CIT: variants seen among roughly 807,000 people sequenced by gnomAD.
The protein encoded by CIT is citron rho-interacting serine/threonine kinase, also known as citron Rho-interacting kinase.
CIT carries 79 observed loss-of-function variants against 272.7 expected under a neutral mutation model. The ratio of observed to expected loss-of-function variants is 0.29; its 90% CI spans 0.24 to 0.35. The LOEUF (loss-of-function observed/expected upper bound fraction) is 0.35. Among genes scored for constraint, CIT ranks in the 10% least tolerant of loss-of-function variants. The probability of loss-of-function intolerance (pLI) is 1.00; values close to 1 mark genes in which losing one functional copy is unlikely to be tolerated. For synonymous variants in CIT, 948 were observed against 995.6 expected (o/e 0.95, Z 0.90); for missense variants, 1,909 against 2,618.3 (o/e 0.73, Z 5.91).
rs1968836102 is a variant in CIT, at chr12:119,834,118, A to C, written c.627T>G (p.Val209=). 1.1e-5 allele frequency: 17 copies of C among 1,614,056 alleles called. No homozygotes were observed. In the East Asian group the frequency reaches 3.8e-4, roughly 36 times the overall value. The change falls in exon 6 of 48, where the codon GTT becomes GTG. Residue 209 remains valine, a synonymous_variant. Transcript: ENST00000392521. ...QFYLAELILA[V]HSVHLMGYVH... The stretch of plus-strand genomic sequence containing the variant: ...CGTATCCCATCAGATGAACGCTGTG[A>C]ACAGCCAAAATCAGCTCAGCTAGGT...
rs1958269807 is a variant in CIT at position 119,728,711 on chromosome 12, T to C, written c.3487-105A>G. 1.2e-6 allele frequency: 1 copy of C among 800,454 alleles called. No homozygotes were observed. Among genetic ancestry groups the C allele is most frequent in the Middle Eastern group, 2.4e-4 (1 of 4,144 alleles). The allele number at this position is 800,454 out of a possible 1,614,324, so 49.6% of individuals were successfully genotyped here. ...TTCACGGAGAAAGAATATTGAGTTCTAAAGGTCAGAACGTAAAGGTTGCTT... is the reference window on the plus strand; with the variant it reads ...TTCACGGAGAAAGAATATTGAGTTCCAAAGGTCAGAACGTAAAGGTTGCTT... On this transcript the variant is annotated intron_variant, in intron 27 of 47. Transcript: ENST00000392521. This position sits in a 1 kb window ranked among gnomAD's most constrained non-coding sequence, Gnocchi z 4.3.
intron 16 of CIT, among the ~76,000 whole-genome samples, chr12:119,774,362 C>T (rs990555508): frequency 6.6e-6 from 1 of 152,068 alleles, no homozygotes; most frequent in African/African-American, 2.4e-5. Flanking sequence ...CCAGCAAACA[C>T]ATTCACAAAC....
chr12:119,706,188 A>C (rs1956871755), intron 40 of CIT, among the ~76,000 whole-genome samples: 1 of 152,166 alleles, frequency 6.6e-6, no homozygotes, highest in African/African-American at 2.4e-5. Flanking sequence ...CAACAGCAGA[A>C]CGCCAGTAGC....
At chr12:119,738,783 TG>T (rs1162813788) in intron 24 of CIT, among the ~76,000 whole-genome samples, 2 of 151,256 alleles carry the variant, frequency 1.3e-5, no homozygotes, top group African/African-American at 4.9e-5. Flanking sequence ...CCCAGGAGGC[TG>T]AGGCAGGAGA....
rs1177050023 is a variant in CIT at position 119,782,436 on chromosome 12, TTC to T, written c.1665+80_1665+81del. 5 of 1,516,218 alleles carry T rather than the reference TTC, an allele frequency of 3.3e-6. No homozygotes were observed. In the African/African-American group the frequency reaches 4.1e-5, roughly 13 times the overall value. 93.9% of individuals were successfully genotyped at this position (1,516,218 alleles called of 1,614,324 possible). ...TTTCTCTCTCTCCCTTTCTTCCTAT[TTC>T]TCTCTCAAACACGCCTCTCCTGAAA... is the stretch of plus-strand genomic sequence containing the variant. On this transcript the variant is annotated intron_variant, in intron 13 of 47. Transcript: ENST00000392521.
At chr12:119,846,979 G>C (rs1028064690) in intron 5 of CIT, among the ~76,000 whole-genome samples, 1 of 132,080 alleles carries the variant, frequency 7.6e-6, no homozygotes, top group African/African-American at 2.6e-5. Flanking sequence ...GTTGTTTCAA[G>C]GGAACGTCTT....
chr12:119,772,630 CCT>C, intron 17 of CIT, 138 bp downstream of exon 17: 1 of 869,122 alleles, frequency 1.2e-6, no homozygotes. Context: ...TGATTCCCAG[CCT>C]CTCAGGTTTC....
intron 20 of CIT, among the ~76,000 whole-genome samples, chr12:119,760,077 C>T (rs1008637392): frequency 2.0e-5 from 3 of 151,478 alleles, no homozygotes; most frequent in African/African-American, 7.3e-5. Flanking sequence ...ATTCCAGCTA[C>T]TCGGGAGGCT....
rs1386504493 is a variant in CIT at position 119,697,930 on chromosome 12, T to C, written c.5702+46A>G. 2 of 1,612,258 alleles carry C rather than the reference T, an allele frequency of 1.2e-6. No homozygotes were observed. The highest frequency in any genetic ancestry group is 1.7e-6 in the Non-Finnish European group (2 of 1,178,422). ...GGAACATGCGGCCGGCCCCAACACC[T>C]ACCCCAATAGCTGAAGTTTTCCACG... On this transcript the variant is annotated intron_variant, in intron 45 of 47. Transcript: ENST00000392521. The surrounding 1 kb of genome is among the most constrained non-coding windows in gnomAD (Gnocchi z 4.9).
At chr12:119,855,349 G>A (rs1970516497) in intron 4 of CIT, among the ~76,000 whole-genome samples, 2 of 152,126 alleles carry the variant, frequency 1.3e-5, no homozygotes, top group East Asian at 3.8e-4. Context: ...TGTGAACCTG[G>A]GAGGCGGAGC....
chr12:119,707,528 T>C (rs922739616), intron 40 of CIT, among the ~76,000 whole-genome samples: 5 of 151,956 alleles, frequency 3.3e-5, no homozygotes, highest in African/African-American at 1.2e-4. Flanking sequence ...CAATCTGTTT[T>C]TTTTTTCCCT....
chr12:119,850,361 G>T (rs1203354084), intron 4 of CIT, 86 bp from the exon 5 acceptor site: 26 of 485,378 alleles, frequency 5.4e-5, no homozygotes, highest in East Asian at 3.4e-4. Context: ...TGCCTAAACT[G>T]ATGTTTCTAG....
At chr12:119,798,676 G>C (rs1027752835) in intron 10 of CIT, among the ~76,000 whole-genome samples, 6 of 152,142 alleles carry the variant, frequency 3.9e-5, no homozygotes, top group African/African-American at 4.8e-5. Flanking sequence ...TATAAGCCCA[G>C]TTCCAGCACA....
chr12:119,865,291 T>C (rs1463423799), intron 3 of CIT, among the ~76,000 whole-genome samples: 1 of 152,214 alleles, frequency 6.6e-6, no homozygotes, highest in Non-Finnish European at 1.5e-5. Flanking sequence ...TGAAGGTGCC[T>C]GCAGATGGCT....
intron 2 of CIT, among the ~76,000 whole-genome samples, chr12:119,872,914 A>C (rs1419515354): frequency 1.3e-5 from 2 of 152,178 alleles, no homozygotes; most frequent in African/African-American, 4.8e-5. Context: ...CCCCCACCTC[A>C]GCCTCCTGAG....
At chr12:119,708,132 T>C in intron 40 of CIT, 47 bp downstream of exon 40, 1 of 1,460,310 alleles carries the variant, frequency 6.8e-7, no homozygotes, top group Non-Finnish European at 9.1e-7. Context: ...AGAGGTAGTG[T>C]CAATTTCCAG....
chr12:119,860,120 C>G (rs539394889), intron 3 of CIT, among the ~76,000 whole-genome samples: 14 of 152,276 alleles, frequency 9.2e-5, no homozygotes, highest in African/African-American at 3.1e-4. Flanking sequence ...ACTCAGCCTG[C>G]AACTGTAACT....
chr12:119,820,731 G>A (rs995848117), intron 9 of CIT, among the ~76,000 whole-genome samples: 1 of 152,058 alleles, frequency 6.6e-6, no homozygotes, highest in Non-Finnish European at 1.5e-5. Context: ...AGTATTTTGG[G>A]AGGCCAAAGC....
chr12:119,810,639 G>T (rs1452323178), intron 9 of CIT, among the ~76,000 whole-genome samples: 4 of 150,906 alleles, frequency 2.7e-5, no homozygotes, highest in Non-Finnish European at 5.9e-5. Flanking sequence ...GGAGACAGAG[G>T]TTGCAATGAG....
Sources: allele counts gnomAD v4.1 joint callset (sites outside exome capture counted in the v4.1 genomes callset), GRCh38; gene constraint gnomAD v4.1.1; non-coding constraint Gnocchi (gnomAD v3.1); transcripts MANE v1.5; gene names NCBI Gene and HGNC (gene_info 2026-07-23, HGNC 2026-07-21).